Variants in TRERF1 observed in about 807,000 individuals in gnomAD.
TRERF1 encodes transcriptional regulating factor 1, also known as transcriptional-regulating factor 1.
Under a neutral mutation model 122.9 loss-of-function variants are expected in TRERF1, and 27 were observed. The observed-to-expected ratio is 0.22, with a 90% CI of 0.16 to 0.30. The LOEUF (loss-of-function observed/expected upper bound fraction) is 0.30, where lower values mean the gene tolerates loss of function less well. TRERF1 is among the 10% of genes least tolerant of loss of function. The pLI is 1.00. For missense variants in TRERF1, 1,248 were observed against 1,560.3 expected, an observed-to-expected ratio of 0.80 and a Z score of 3.37; for synonymous variants, 636 against 641.7, an observed-to-expected ratio of 0.99 and a Z score of 0.13.
chr6:42,312,518 C>T (rs954218229), intron 3 of TRERF1, among the ~76,000 whole-genome samples: 9 of 152,234 alleles, frequency 5.9e-5, no homozygotes, highest in African/African-American at 1.9e-4. Context: ...CTCTGATCCT[C>T]GGCATTCCCC....
intron 3 of TRERF1, among the ~76,000 whole-genome samples, chr6:42,316,475 G>A (rs547896282): frequency 1.3e-5 from 2 of 152,180 alleles, no homozygotes; most frequent in African/African-American, 4.8e-5. Flanking sequence ...GCTTATGTGT[G>A]CACAAGCAGG....
Position 42,235,645 on chromosome 6 carries a change from C to T in TRERF1, c.3066+560G>A, listed in dbSNP as rs565992168. On this transcript the variant is annotated intron_variant, in intron 16 of 17. Coordinates refer to ENST00000372922, the Ensembl canonical transcript of TRERF1. ...ACTTTTAGTAAATCTTTTTTTTCTC[C>T]ACCATAGAGTACAAAGATAAACTTT... Among the ~76,000 whole-genome samples, 85 of 152,180 alleles carry T rather than the reference C, an allele frequency of 5.6e-4. 1 individual carries two copies. Among genetic ancestry groups the T allele is most frequent in the African/African-American group, 1.9e-3 (80 of 41,546 alleles).
At chr6:42,361,242 A>C (rs1399127981) in intron 3 of TRERF1, among the ~76,000 whole-genome samples, 1 of 152,168 alleles carries the variant, frequency 6.6e-6, no homozygotes, top group Non-Finnish European at 1.5e-5. Context: ...CCAGAACCTG[A>C]CCATACTGGC....
intron 3 of TRERF1, among the ~76,000 whole-genome samples, chr6:42,308,176 T>C (rs1241597631): frequency 6.6e-6 from 1 of 152,206 alleles, no homozygotes; most frequent in Non-Finnish European, 1.5e-5. Context: ...CAAATGTTCC[T>C]AGAAACATTA....
intron 4 of TRERF1, among the ~76,000 whole-genome samples, chr6:42,271,477 T>C (rs1235719381): frequency 6.6e-6 from 1 of 152,164 alleles, no homozygotes; most frequent in African/African-American, 2.4e-5. Flanking sequence ...TAGACCTGGA[T>C]GGTAACTGCA....
chr6:42,420,437 G>C (rs1246313036), intron 2 of TRERF1, among the ~76,000 whole-genome samples: 1 of 152,156 alleles, frequency 6.6e-6, no homozygotes, highest in East Asian at 1.9e-4. Context: ...GCCCACACAA[G>C]AGGAGGAACA....
chr6:42,264,628 ACTCT>A (rs1778815760), intron 7 of TRERF1, 72 bp downstream of exon 7: 2 of 1,565,926 alleles, frequency 1.3e-6, no homozygotes, highest in South Asian at 1.2e-5. Context: ...GGCTCACATC[ACTCT>A]CTGTCTGACG....
chr6:42,303,603 C>T (rs78602486), intron 3 of TRERF1, among the ~76,000 whole-genome samples: 3,714 of 152,108 alleles, frequency 0.024, 162 homozygotes, highest in African/African-American at 0.085. Flanking sequence ...CTGTGGTATT[C>T]AAGACAGGCA....
intron 2 of TRERF1, among the ~76,000 whole-genome samples, chr6:42,391,722 G>C (rs1462193505): frequency 6.6e-6 from 1 of 152,074 alleles, no homozygotes; most frequent in East Asian, 1.9e-4. Flanking sequence ...TTCACCCTCA[G>C]CCTTCCCGCC....
At position 42,257,186 on chromosome 6, in the gene TRERF1, G is replaced by T. The variant is rs1776906363; in HGVS notation, c.2337-84C>A. 2.0e-6 allele frequency: 3 copies of T among 1,511,586 alleles called. No individual in the cohort carries two copies. The Admixed American group carries it at 6.0e-5, about 30-fold the overall frequency. 93.6% of individuals were successfully genotyped at this position (1,511,586 alleles called of 1,614,324 possible). A position where few individuals can be genotyped will look rare whatever the true frequency, so the allele number is the denominator to read the frequency against. On this transcript the variant is annotated intron_variant, in intron 10 of 17. Coordinates refer to ENST00000372922, the Ensembl canonical transcript of TRERF1. Reference sequence around the variant, plus strand: ...GGGCAACTGTCAGGAACTTGAAAAAGAAGGAAACTAGTTCTTTCTGCAAGA... The same window carrying T: ...GGGCAACTGTCAGGAACTTGAAAAATAAGGAAACTAGTTCTTTCTGCAAGA...
intron 2 of TRERF1, among the ~76,000 whole-genome samples, chr6:42,436,859 C>T (rs1785542204): frequency 2.4e-5 from 3 of 125,408 alleles, no homozygotes; most frequent in African/African-American, 8.9e-5. Flanking sequence ...GAACTACTTT[C>T]ACTTACCATT....
At chr6:42,278,621 A>C (rs1462740044) in intron 4 of TRERF1, among the ~76,000 whole-genome samples, 1 of 152,144 alleles carries the variant, frequency 6.6e-6, no homozygotes, top group Non-Finnish European at 1.5e-5. Context: ...GCTTCCTCCC[A>C]ACCCACAGTT....
chr6:42,417,349 A>G (rs1221199262), intron 2 of TRERF1, among the ~76,000 whole-genome samples: 1 of 73,498 alleles, frequency 1.4e-5, no homozygotes, highest in African/African-American at 4.6e-5. Flanking sequence ...ACTCACTCCA[A>G]ATCCTCTGCC....
chr6:42,260,458 G>A (rs184402027), intron 8 of TRERF1, among the ~76,000 whole-genome samples: 87 of 152,250 alleles, frequency 5.7e-4, no homozygotes, highest in African/African-American at 1.9e-3. Context: ...CTGGAAGGAG[G>A]ATCTGCCACA....
chr6:42,349,803 C>T lies in TRERF1; in HGVS notation c.-371+13194G>A, dbSNP rs182861222. On this transcript the variant is annotated intron_variant, in intron 3 of 17. Coordinates refer to ENST00000372922, the Ensembl canonical transcript of TRERF1. ...TACCTATTCTCTTTCATGGTAACCGCCGAAGAGCCCAGAGGAACAATACCA... is the reference window on the plus strand; with the variant it reads ...TACCTATTCTCTTTCATGGTAACCGTCGAAGAGCCCAGAGGAACAATACCA... Among the ~76,000 whole-genome samples the T allele has an allele frequency of 1.2e-4, 19 of 152,152 alleles. No individual in the cohort carries two copies. The South Asian group carries it at 1.9e-3, about 15-fold the overall frequency.
intron 4 of TRERF1, among the ~76,000 whole-genome samples, chr6:42,272,911 G>A (rs751256663): frequency 3.9e-5 from 6 of 151,956 alleles, no homozygotes; most frequent in Non-Finnish European, 7.4e-5. Context: ...ACGTCACCAC[G>A]TCCATATTCA....
intron 2 of TRERF1, among the ~76,000 whole-genome samples, chr6:42,437,083 C>G (rs1479755820): frequency 1.3e-5 from 2 of 152,000 alleles, no homozygotes; most frequent in African/African-American, 4.8e-5. Context: ...TTTTTACACA[C>G]ATTCTGCTAG....
At chr6:42,390,712 G>A (rs544131098) in intron 2 of TRERF1, among the ~76,000 whole-genome samples, 14 of 152,238 alleles carry the variant, frequency 9.2e-5, no homozygotes, top group South Asian at 2.1e-4. Context: ...AAATTTCACC[G>A]CTCCCGTCAA....
intron 3 of TRERF1, among the ~76,000 whole-genome samples, chr6:42,361,727 T>C (rs575117538): frequency 2.6e-5 from 4 of 152,342 alleles, no homozygotes; most frequent in African/African-American, 9.6e-5. Context: ...CCTGCAACTC[T>C]TGACTCTGTG....
Sources: gnomAD v4.1 joint callset for allele counts (sites outside exome capture counted in the v4.1 genomes callset) on GRCh38, gnomAD v4.1.1 for gene constraint, MANE v1.5 for transcripts, NCBI Gene and HGNC (gene_info 2026-07-23, HGNC 2026-07-21) for gene names.